The following UBR4 variants were observed in gnomAD, a reference collection of about 807,000 sequenced individuals.
UBR4 encodes ubiquitin protein ligase E3 component n-recognin 4, also known as E3 ubiquitin-protein ligase UBR4.
Under a neutral mutation model 575.6 loss-of-function variants are expected in UBR4, and 124 were observed. That is an observed-to-expected ratio of 0.22 (90% CI 0.19 to 0.25). UBR4 has a LOEUF of 0.25. UBR4 is among the 10% of genes least tolerant of loss of function. UBR4 has a pLI of 1.00. For synonymous variants in UBR4, 2,455 were observed against 2,473.7 expected, an observed-to-expected ratio of 0.99 and a Z score of 0.22; for missense variants, 4,818 against 6,478.8, an observed-to-expected ratio of 0.74 and a Z score of 8.80.
chr1:19,119,029 C>T (rs2080891384), intron 70 of UBR4, 72 bp from the exon 71 acceptor site: 1 of 1,440,570 alleles, frequency 6.9e-7, no homozygotes, highest in Non-Finnish European at 9.7e-7. Flanking sequence ...CTTTTGTCTT[C>T]TGCATTCTAG....
rs1195853206 is a variant in UBR4 at position 19,150,557 on chromosome 1, A to G, written c.7430+20T>C. 2.5e-6 allele frequency: 4 copies of G among 1,611,722 alleles called. No individual in the cohort carries two copies. The highest frequency in any genetic ancestry group is 3.4e-6 in the Non-Finnish European group (4 of 1,179,510). On this transcript the variant is annotated intron_variant, in intron 49 of 105. Coordinates refer to ENST00000375254, the MANE Select transcript of UBR4 (RefSeq NM_020765.3). ...GTGGAATATGTAAAAACTGAAGCCA[A>G]CCCCTGCCAGCACTGGTACCTCTCC...
chr1:19,088,617 G>A lies in UBR4; in HGVS notation c.14430+142C>T. 1.4e-6 allele frequency: 1 copy of A among 737,240 alleles called. No individual in the cohort carries two copies. Among genetic ancestry groups the A allele is most frequent in the Non-Finnish European group, 2.2e-6 (1 of 444,990 alleles). 45.7% of individuals were successfully genotyped at this position (737,240 alleles called of 1,614,324 possible). A position where few individuals can be genotyped will look rare whatever the true frequency, so the allele number is the denominator to read the frequency against. ...ATAGAACGATAGTAGTTCCACCTCT[G>A]AGAGGGCCGAACACACCTAGTTCCT... On this transcript the variant is annotated intron_variant, in intron 98 of 105. Coordinates refer to ENST00000375254, the MANE Select transcript of UBR4 (RefSeq NM_020765.3). This position sits in a 1 kb window ranked among gnomAD's most constrained non-coding sequence, Gnocchi z 4.0.
In UBR4 at chr1:19,153,240, G is replaced by C. The variant is rs2085979946; in HGVS notation, c.6832+61C>G. Reference sequence around the variant, plus strand: ...AGATATTTTCAACAGTCTATTCTGAGTCACTGTCTAGAAGACCACCATTCC... The same window carrying C: ...AGATATTTTCAACAGTCTATTCTGACTCACTGTCTAGAAGACCACCATTCC... On this transcript the variant is annotated intron_variant, in intron 46 of 105. Transcript: ENST00000375254. The surrounding 1 kb of genome is among the most constrained non-coding windows in gnomAD (Gnocchi z 4.1). 1 of 1,538,974 alleles carries C rather than the reference G, an allele frequency of 6.5e-7. No homozygotes were observed. The highest frequency in any genetic ancestry group is 9.0e-7 in the Non-Finnish European group (1 of 1,113,800).
At position 19,123,001 on chromosome 1, in the gene UBR4, G is replaced by C. The variant is rs1328663618; in HGVS notation, c.9648C>G (p.Phe3216Leu). ...GGTACTTCTCTTTGGATCCACAGATGAAGAGCAGAAGTTTGCGGACTTGAC... is the reference window on the plus strand; with the variant it reads ...GGTACTTCTCTTTGGATCCACAGATCAAGAGCAGAAGTTTGCGGACTTGAC... ...VRRQVRKLLL[F>L]ICGSKEKYRQ... Residue 3216 changes from phenylalanine to leucine, a missense_variant, in exon 66 of 106, where the codon TTC becomes TTG. Around this residue, in one of 29 missense-constraint regions of UBR4, gnomAD observed 550 missense variants for 791.5 expected, o/e 0.69. Coordinates refer to ENST00000375254, the MANE Select transcript of UBR4 (RefSeq NM_020765.3). The C allele has an allele frequency of 6.2e-7, 1 of 1,614,222 alleles. No homozygotes were observed.
At chr1:19,158,158 T>C (rs757415719) in intron 39 of UBR4, among the ~76,000 whole-genome samples, 161 bp from the exon 40 acceptor site, 15 of 152,232 alleles carry the variant, frequency 9.9e-5, no homozygotes, top group Non-Finnish European at 2.1e-4. Flanking sequence ...GTGTTAAAGT[T>C]ATTATCAATC....
chr1:19,178,190 C>T (rs925790673), intron 18 of UBR4, among the ~76,000 whole-genome samples: 2 of 152,072 alleles, frequency 1.3e-5, no homozygotes, highest in Admixed American at 1.3e-4. Flanking sequence ...GTTTATACTA[C>T]AGGTTAAAAA....
At position 19,195,095 on chromosome 1, in the gene UBR4, C is replaced by T. The variant is rs948831651; in HGVS notation, c.1019-1538G>A. Among the ~76,000 whole-genome samples, 11 of 150,084 alleles carry T rather than the reference C, an allele frequency of 7.3e-5. 1 individual carries two copies. The highest frequency in any genetic ancestry group is 7.3e-4 in the Admixed American group (11 of 15,034). ...CTGACATGGTGAAACCCCGTCTCTA[C>T]TAAAAATACAAAAAAAAAAATTAGC... On this transcript the variant is annotated intron_variant, in intron 8 of 105. Coordinates refer to ENST00000375254, the MANE Select transcript of UBR4 (RefSeq NM_020765.3).
intron 60 of UBR4, among the ~76,000 whole-genome samples, chr1:19,129,409 T>C (rs893624505): frequency 6.6e-6 from 1 of 152,192 alleles, no homozygotes; most frequent in African/African-American, 2.4e-5. Context: ...AACCTCCAAC[T>C]GCAAGATTTA....
chr1:19,106,960 G>T lies in UBR4; in HGVS notation c.12112C>A (p.Pro4038Thr). The T allele has an allele frequency of 6.2e-7, 1 of 1,611,860 alleles. No individual in the cohort carries two copies. Among genetic ancestry groups the T allele is most frequent in the Non-Finnish European group, 8.5e-7 (1 of 1,179,860 alleles). The part of the protein sequence containing the change: ...APTSKKNKDV[P>T]VEALTTVKPY... ...TTCACCGTGGTGAGGGCCTCAACGG[G>T]GACATCCTGGAGGAGGCAAGTGGAG... Residue 4038 changes from proline to threonine, a missense_variant, in exon 82 of 106, where the codon CCC becomes ACC. Physicochemically the swap from Pro to Thr is conservative, Grantham distance 38 (BLOSUM62 -1). This residue lies in a region of UBR4 where 333 missense variants were observed against 459.2 expected (regional missense o/e 0.73). Transcript: ENST00000375254.
At chr1:19,160,684 C>T (rs936548800) in intron 38 of UBR4, among the ~76,000 whole-genome samples, 2 of 152,230 alleles carry the variant, frequency 1.3e-5, no homozygotes, top group South Asian at 2.1e-4. Context: ...GGGTACTCTA[C>T]AGTATGACAC....
At chr1:19,186,336 G>A (rs1251925841) in intron 14 of UBR4, among the ~76,000 whole-genome samples, 1 of 152,194 alleles carries the variant, frequency 6.6e-6, no homozygotes, top group East Asian at 1.9e-4. Context: ...GCTGAAAGTT[G>A]TTTCCATCAT....
intron 1 of UBR4, among the ~76,000 whole-genome samples, chr1:19,208,239 G>A (rs1018147479): frequency 7.9e-5 from 12 of 152,082 alleles, no homozygotes; most frequent in African/African-American, 1.7e-4. Flanking sequence ...AGGCCAAGGC[G>A]GGTGGATCAC....
At position 19,113,813 on chromosome 1, in the gene UBR4, T is replaced by C; in HGVS notation, c.11343A>G (p.Thr3781=). The change falls in exon 77 of 106, where the codon ACA becomes ACG. Residue 3781 remains threonine (T), a synonymous_variant. Transcript: ENST00000375254. ...CAGAAGTGGAGCTGATGCCCCCTGC[T>C]GTTCCTGAGTCATCCTGCAACCCCA... ...APEKPQDDSG[T]AGGISSTSAS... 1.9e-6 allele frequency: 3 copies of C among 1,614,246 alleles called. No homozygotes were observed. Among genetic ancestry groups the C allele is most frequent in the Non-Finnish European group, 2.5e-6 (3 of 1,180,038 alleles).
Position 19,192,339 on chromosome 1 carries a change from A to C in UBR4, c.1243T>G (p.Leu415Val), listed in dbSNP as rs2092148911. The C allele has an allele frequency of 5.6e-6, 9 of 1,614,032 alleles. No individual in the cohort carries two copies. The highest frequency in any genetic ancestry group is 7.6e-6 in the Non-Finnish European group (9 of 1,180,030). ...TTCAGTATGAGGAAAAGGCTGTTTAACAAGCACCAAGCACCCAGCAATTGG... is the reference window on the plus strand; with the variant it reads ...TTCAGTATGAGGAAAAGGCTGTTTACCAAGCACCAAGCACCCAGCAATTGG... ...NFQLLGAWCL[L>V]NSLFLILNLS... Residue 415 changes from leucine to valine, a missense_variant, in exon 11 of 106, where the codon TTA (leucine) becomes GTA (valine). Around this residue, in one of 29 missense-constraint regions of UBR4, gnomAD observed 3 missense variants for 22.1 expected, o/e 0.14. Transcript: ENST00000375254.
chr1:19,144,792 C>T lies in UBR4; in HGVS notation c.8061G>A (p.Leu2687=), dbSNP rs1482222253. 3 of 1,613,918 alleles carry T rather than the reference C, an allele frequency of 1.9e-6. No individual in the cohort carries two copies. Among genetic ancestry groups the T allele is most frequent in the Admixed American group, 3.3e-5 (2 of 59,992 alleles). The change falls in exon 54 of 106, where the codon TTG becomes TTA. Residue 2687 remains leucine (L), a synonymous_variant. Transcript: ENST00000375254. ...TASKIYMQML[L]CPDPAVSFSC... The stretch of plus-strand genomic sequence containing the variant: ...GGATTGTAATGCTACGTACAGGACA[C>T]AAGAGCATCTGCATGTAGATCTTGG...
At position 19,167,192 on chromosome 1, in the gene UBR4, T is replaced by C. The variant is rs769648810; in HGVS notation, c.3939A>G (p.Thr1313=). 1 of 1,614,210 alleles carries C rather than the reference T, an allele frequency of 6.2e-7. No individual in the cohort carries two copies. Among genetic ancestry groups the C allele is most frequent in the South Asian group, 1.1e-5 (1 of 91,084 alleles). Residue 1313 remains threonine, a synonymous_variant, in exon 29 of 106, where the codon ACA becomes ACG. Coordinates refer to ENST00000375254, the MANE Select transcript of UBR4 (RefSeq NM_020765.3). The part of the protein sequence containing the change: ...DEMNPPQVIR[T]LLPLLLESST... Reference sequence around the variant, plus strand: ...TTGATTCCAAAAGAAGAGGTAGCAGTGTCCGAATTACCTGTGGTGGGTTCA... The same window carrying C: ...TTGATTCCAAAAGAAGAGGTAGCAGCGTCCGAATTACCTGTGGTGGGTTCA...
At position 19,157,771 on chromosome 1, in the gene UBR4, G is replaced by C. The variant is rs986504779; in HGVS notation, c.5760+44C>G. On this transcript the variant is annotated intron_variant, in intron 40 of 105. Transcript: ENST00000375254. The surrounding 1 kb of genome is among the most constrained non-coding windows in gnomAD (Gnocchi z 4.4). ...TCAATTTGTTTTGCTTAGCATTTAA[G>C]ACAATATGACCTAAAGTAAGCGCAC... 3 of 1,593,870 alleles carry C rather than the reference G, an allele frequency of 1.9e-6. No homozygotes were observed. Among genetic ancestry groups the C allele is most frequent in the Non-Finnish European group, 1.7e-6 (2 of 1,166,710 alleles).
In UBR4 at chr1:19,081,353, T is replaced by A. The variant is rs1251571829; in HGVS notation, c.15229A>T (p.Thr5077Ser). ...CTTCCGGAAGCAGGTACTGACCTGGTGGCTCCACCTGGAGCCACTGCCCGA... is the reference window on the plus strand; with the variant it reads ...CTTCCGGAAGCAGGTACTGACCTGGAGGCTCCACCTGGAGCCACTGCCCGA... ...QARAVAPGGA[T>S]RLTDKAVKDY... The change falls in exon 103 of 106, where the codon ACC becomes TCC. Residue 5077 changes from threonine to serine, a missense_variant. Thr to Ser is a moderately conservative substitution (Grantham distance 58). This residue lies in a region of UBR4 where 212 missense variants were observed against 221.3 expected (regional missense o/e 0.96). Coordinates refer to ENST00000375254, the MANE Select transcript of UBR4 (RefSeq NM_020765.3). 2 of 1,593,374 alleles carry A rather than the reference T, an allele frequency of 1.3e-6. No homozygotes were observed. Among genetic ancestry groups the A allele is most frequent in the African/African-American group, 1.4e-5 (1 of 73,740 alleles).
At chr1:19,127,911 C>T (rs1010212555) in intron 62 of UBR4, among the ~76,000 whole-genome samples, 172 bp from the exon 63 acceptor site, 3 of 152,058 alleles carry the variant, frequency 2.0e-5, no homozygotes, top group Non-Finnish European at 4.4e-5. Flanking sequence ...ACCTAGAGCC[C>T]GATACACTTA....
Sources: gnomAD v4.1 joint callset for allele counts (sites outside exome capture counted in the v4.1 genomes callset) on GRCh38, gnomAD v4.1.1 for gene constraint, gnomAD v4.1.1 regional missense constraint, Gnocchi (gnomAD v3.1) non-coding constraint, MANE v1.5 for transcripts, NCBI Gene and HGNC (gene_info 2026-07-23, HGNC 2026-07-21) for gene names.